RNF216: variants seen among roughly 807,000 people sequenced by gnomAD.
RNF216 encodes the protein ring finger protein 216, also known as E3 ubiquitin-protein ligase RNF216.
In RNF216, 72 loss-of-function variants were observed where a neutral mutation model predicts 110.8. That is an observed-to-expected ratio of 0.65 (90% CI 0.54 to 0.79). The LOEUF is 0.79. Among genes scored for constraint, RNF216 ranks in the 30% least tolerant of loss-of-function variants. The probability of loss-of-function intolerance (pLI) is 0.00; values close to 1 mark genes in which losing one functional copy is unlikely to be tolerated. For synonymous variants in RNF216, 495 were observed against 407.5 expected (o/e 1.21, Z -2.59); for missense variants, 1,342 against 1,141.2 (o/e 1.18, Z -2.54).
In RNF216 at chr7:5,741,311, G is replaced by A; in HGVS notation, c.706C>T (p.Gln236Ter). The change falls in exon 4 of 17, where the codon CAG (glutamine) becomes TAG (stop). Residue 236 changes from glutamine to a stop codon, truncating the protein, a stop_gained. Transcript: ENST00000389902. LOFTEE classifies it high-confidence loss of function. ...EDCWLDHPYF[Q>*]SLNQQPREIT... is the part of the protein sequence containing the mutation. Reference sequence around the variant, plus strand: ...TCACGGGGCTGTTGGTTCAGAGACTGGAAGTAAGGATGATCTAACCAGCAG... The same window carrying A: ...TCACGGGGCTGTTGGTTCAGAGACTAGAAGTAAGGATGATCTAACCAGCAG... 6.2e-7 allele frequency: 1 copy of A among 1,614,044 alleles called. No individual in the cohort carries two copies. The highest frequency in any genetic ancestry group is 8.5e-7 in the Non-Finnish European group (1 of 1,179,900).
chr7:5,623,672 G>A (rs1786531128), intron 16 of RNF216, among the ~76,000 whole-genome samples: 1 of 152,042 alleles, frequency 6.6e-6, no homozygotes, highest in Admixed American at 6.6e-5. Flanking sequence ...GGGATCCAGT[G>A]ATGCTCCCAC....
At chr7:5,773,263 G>A (rs1365327022) in intron 1 of RNF216, among the ~76,000 whole-genome samples, 1 of 147,298 alleles carries the variant, frequency 6.8e-6, no homozygotes, top group Admixed American at 6.8e-5. Context: ...TTTTTTTTGA[G>A]ACAGAGTCTC....
intron 1 of RNF216, among the ~76,000 whole-genome samples, chr7:5,781,251 A>C (rs954608641): frequency 3.9e-5 from 6 of 152,092 alleles, no homozygotes; most frequent in African/African-American, 1.4e-4. Context: ...CTCGCGCAGC[A>C]GACCCGAGGG....
intron 1 of RNF216, among the ~76,000 whole-genome samples, chr7:5,765,156 A>C (rs887056151): frequency 1.3e-5 from 2 of 151,916 alleles, no homozygotes; most frequent in African/African-American, 4.8e-5. Flanking sequence ...ATACTCAAAG[A>C]GCTATTAAAA....
intron 8 of RNF216, among the ~76,000 whole-genome samples, chr7:5,723,529 C>G (rs1276703700): frequency 2.0e-5 from 3 of 151,756 alleles, no homozygotes; most frequent in Non-Finnish European, 4.4e-5. Flanking sequence ...CACCTGTAGT[C>G]CCAGCTACTC....
At chr7:5,716,414 A>G (rs1017419473) in intron 10 of RNF216, among the ~76,000 whole-genome samples, 1 of 152,154 alleles carries the variant, frequency 6.6e-6, no homozygotes, top group African/African-American at 2.4e-5. Context: ...GAGGTTAGAC[A>G]TACCTCGTTA....
chr7:5,750,376 T>C (rs187058349), intron 3 of RNF216, among the ~76,000 whole-genome samples: 4 of 152,300 alleles, frequency 2.6e-5, no homozygotes, highest in South Asian at 4.1e-4. Flanking sequence ...GCAAAGCAAA[T>C]TTAAATATGT....
intron 13 of RNF216, among the ~76,000 whole-genome samples, chr7:5,653,068 G>A (rs1039270718): frequency 2.0e-5 from 3 of 152,086 alleles, no homozygotes; most frequent in African/African-American, 4.8e-5. Flanking sequence ...ACAAGCTGGC[G>A]TCCAAAACTC....
At chr7:5,641,648 A>C (rs141931244) in intron 14 of RNF216, among the ~76,000 whole-genome samples, 2 of 152,208 alleles carry the variant, frequency 1.3e-5, no homozygotes, top group African/African-American at 4.8e-5. Context: ...TGAGAATTAC[A>C]GACAAAATAT....
At chr7:5,693,318 GAA>G (rs1562398125) in intron 13 of RNF216, among the ~76,000 whole-genome samples, 2 of 152,146 alleles carry the variant, frequency 1.3e-5, no homozygotes, top group African/African-American at 4.8e-5. Context: ...GCCTTTTACA[GAA>G]AAAGTCTGCT....
chr7:5,702,173 C>T (rs896199413), intron 13 of RNF216, among the ~76,000 whole-genome samples: 22 of 152,168 alleles, frequency 1.4e-4, no homozygotes, highest in African/African-American at 3.9e-4. Flanking sequence ...GTTGCCTCTG[C>T]GAGTTTCGAG....
intron 14 of RNF216, among the ~76,000 whole-genome samples, chr7:5,647,611 G>A (rs561069673): frequency 2.6e-5 from 4 of 151,982 alleles, no homozygotes; most frequent in Non-Finnish European, 5.9e-5. Context: ...TGGGATTACC[G>A]GTGTGGCAGC....
chr7:5,653,371 A>T (rs150806226), intron 13 of RNF216, among the ~76,000 whole-genome samples: 2,149 of 152,134 alleles, frequency 0.014, 26 homozygotes, highest in Non-Finnish European at 0.023. Flanking sequence ...TGGGCGGATC[A>T]CGAGGTCATG....
intron 3 of RNF216, among the ~76,000 whole-genome samples, chr7:5,748,957 G>C (rs1397311693): frequency 6.6e-6 from 1 of 152,112 alleles, no homozygotes; most frequent in African/African-American, 2.4e-5. Context: ...CGTTATGTGT[G>C]TGTGGTATTT....
At chr7:5,665,981 C>T (rs146121491) in intron 13 of RNF216, among the ~76,000 whole-genome samples, 64 of 152,122 alleles carry the variant, frequency 4.2e-4, no homozygotes, top group African/African-American at 1.5e-3. Context: ...CTGGCTAACA[C>T]GGTGAAACCC....
chr7:5,670,998 G>A (rs1789871671), intron 13 of RNF216, among the ~76,000 whole-genome samples: 1 of 147,746 alleles, frequency 6.8e-6, no homozygotes, highest in South Asian at 2.2e-4. Flanking sequence ...GGAGCTGCCG[G>A]AGTGGCAGCC....
At chr7:5,750,738 T>C (rs936558553) in intron 3 of RNF216, among the ~76,000 whole-genome samples, 2 of 152,238 alleles carry the variant, frequency 1.3e-5, no homozygotes, top group African/African-American at 4.8e-5. Flanking sequence ...CTCATAAATG[T>C]GAGACTCTTA....
intron 13 of RNF216, among the ~76,000 whole-genome samples, chr7:5,672,664 T>C (rs938325379): frequency 6.6e-6 from 1 of 152,220 alleles, no homozygotes; most frequent in Non-Finnish European, 1.5e-5. Flanking sequence ...CATAAATACT[T>C]ATGTGATCAC....
chr7:5,642,185 ACTC>A (rs1359418441), intron 14 of RNF216, among the ~76,000 whole-genome samples: 3 of 150,934 alleles, frequency 2.0e-5, no homozygotes, highest in Non-Finnish European at 4.4e-5. Context: ...TGAAGACACT[ACTC>A]AACGTTCTAC....
Sources: gnomAD v4.1 joint callset for allele counts (sites outside exome capture counted in the v4.1 genomes callset) on GRCh38, gnomAD v4.1.1 for gene constraint, MANE v1.5 for transcripts, NCBI Gene and HGNC (gene_info 2026-07-23, HGNC 2026-07-21) for gene names.